SYT9: variants seen among roughly 807,000 people sequenced by gnomAD.
SYT9 encodes synaptotagmin-9.
Under a neutral mutation model 48.4 loss-of-function variants are expected in SYT9, and 22 were observed. The observed-to-expected ratio is 0.45, with a 90% confidence interval of 0.32 to 0.65. The LOEUF (loss-of-function observed/expected upper bound fraction) is 0.65, where lower values mean the gene tolerates loss of function less well. Ranked by LOEUF, SYT9 falls within the 30% of genes least tolerant of loss-of-function variation. SYT9 has a pLI of 0.03. For synonymous variants in SYT9, 265 were observed against 245.0 expected, an observed-to-expected ratio of 1.08 and a Z score of -0.76; for missense variants, 577 against 622.0, an observed-to-expected ratio of 0.93 and a Z score of 0.77.
chr11:7,275,546 T>C (rs996692273), intron 1 of SYT9, among the ~76,000 whole-genome samples: 2 of 152,218 alleles, frequency 1.3e-5, no homozygotes, highest in Admixed American at 1.3e-4. Flanking sequence ...TTTATATTAC[T>C]GTGACCCATT....
chr11:7,289,156 T>G (rs1483074676), intron 1 of SYT9, among the ~76,000 whole-genome samples: 1 of 152,210 alleles, frequency 6.6e-6, no homozygotes, highest in East Asian at 1.9e-4. Context: ...GACTCCCCTC[T>G]TTCCTCAGTA....
chr11:7,246,081 G>C (rs948694513), intron 1 of SYT9, among the ~76,000 whole-genome samples: 1 of 150,890 alleles, frequency 6.6e-6, no homozygotes, highest in African/African-American at 2.4e-5. Flanking sequence ...TCTTCTCTTT[G>C]TCCTTCTCTC....
intron 2 of SYT9, among the ~76,000 whole-genome samples, chr11:7,306,850 C>T (rs1014671697): frequency 2.6e-5 from 4 of 152,194 alleles, no homozygotes; most frequent in African/African-American, 9.7e-5. Context: ...CCCCTCTAGA[C>T]TGAGTTCTGT....
intron 1 of SYT9, among the ~76,000 whole-genome samples, chr11:7,276,161 T>C (rs1038496907): frequency 6.6e-6 from 1 of 152,194 alleles, no homozygotes; most frequent in Non-Finnish European, 1.5e-5. Context: ...TTTGGAGTTA[T>C]ACTAGAAACT....
intron 2 of SYT9, among the ~76,000 whole-genome samples, chr11:7,311,790 C>T (rs919821240): frequency 6.6e-6 from 1 of 152,220 alleles, no homozygotes; most frequent in Non-Finnish European, 1.5e-5. Flanking sequence ...GCCTCCCAGT[C>T]CTTTCTGCCC....
intron 3 of SYT9, among the ~76,000 whole-genome samples, chr11:7,385,565 G>A (rs565707869): frequency 1.3e-5 from 2 of 151,846 alleles, no homozygotes; most frequent in South Asian, 2.1e-4. Flanking sequence ...CTATTACCTG[G>A]GTGACAAGAT....
chr11:7,392,402 CAGTT>C lies in SYT9; in HGVS notation c.1045-23639_1045-23636del, dbSNP rs1354878035. Reference sequence around the variant, plus strand: ...GCTTATTTTTGTCAGTATTGTAGATCAGTTGGTTGTAGCTGTGTGGCTTTATTTA... The same window carrying C: ...GCTTATTTTTGTCAGTATTGTAGATCGGTTGTAGCTGTGTGGCTTTATTTA... On this transcript the variant is annotated intron_variant, in intron 3 of 6. Coordinates refer to ENST00000318881, the MANE Select transcript of SYT9 (RefSeq NM_175733.4). Among the ~76,000 whole-genome samples, 5 of 152,078 alleles carry C rather than the reference CAGTT, an allele frequency of 3.3e-5. No homozygotes were observed. In the East Asian group the frequency reaches 9.6e-4, roughly 29 times the overall value.
At chr11:7,452,383 GCTT>G (rs1268754139) in intron 6 of SYT9, among the ~76,000 whole-genome samples, 1 of 152,162 alleles carries the variant, frequency 6.6e-6, no homozygotes, top group Admixed American at 6.5e-5. Flanking sequence ...TCTGTCCACT[GCTT>G]CTTTCCCACA....
chr11:7,241,603 G>A (rs531733019), intron 1 of SYT9, among the ~76,000 whole-genome samples: 191 of 152,282 alleles, frequency 1.3e-3, no homozygotes, highest in Non-Finnish European at 2.4e-3. Context: ...TGGAATTGCC[G>A]ATTGATTAAT....
At chr11:7,249,514 C>T (rs1458251772), upstream of SYT9, among the ~76,000 whole-genome samples, 2 of 152,208 alleles carry the variant, frequency 1.3e-5, no homozygotes, top group African/African-American at 2.4e-5. Flanking sequence ...ATTGTTTAAC[C>T]ACCTGATTTT....
chr11:7,253,589 T>C (rs1320955651), intron 1 of SYT9, among the ~76,000 whole-genome samples: 2 of 151,976 alleles, frequency 1.3e-5, no homozygotes, highest in East Asian at 1.9e-4. Flanking sequence ...TTTTTTTTCC[T>C]ATTGAAAAAG....
intron 6 of SYT9, among the ~76,000 whole-genome samples, chr11:7,464,875 G>A (rs1157817481): frequency 6.6e-6 from 1 of 151,740 alleles, no homozygotes; most frequent in Non-Finnish European, 1.5e-5. Flanking sequence ...GAGGTCAGGA[G>A]ATCAAGACCA....
At position 7,417,958 on chromosome 11, in the gene SYT9, T is replaced by C; in HGVS notation, c.1167T>C (p.Asp389=). ...TCCTGCTTCTCATGGTCTGTCCAGA[T>C]CCCTATGTGAAAGTCTCGCTGATGT... is the stretch of plus-strand genomic sequence containing the variant. ...LKAMDITGAS[D]PYVKVSLMCD... is the part of the protein sequence containing the mutation. The change falls in exon 5 of 7, where the codon GAT becomes GAC. Residue 389 remains aspartate (D), a splice_region_variant and synonymous_variant. Coordinates refer to ENST00000318881, the MANE Select transcript of SYT9 (RefSeq NM_175733.4). 1 of 1,613,478 alleles carries C rather than the reference T, an allele frequency of 6.2e-7. No homozygotes were observed. The highest frequency in any genetic ancestry group is 8.5e-7 in the Non-Finnish European group (1 of 1,179,628).
At chr11:7,357,458 G>A (rs111745665) in intron 3 of SYT9, among the ~76,000 whole-genome samples, 4 of 152,170 alleles carry the variant, frequency 2.6e-5, no homozygotes, top group East Asian at 3.9e-4. Flanking sequence ...ATTACTAAAT[G>A]TCTCCTCAAA....
intron 1 of SYT9, among the ~76,000 whole-genome samples, chr11:7,293,127 G>A (rs551765769): frequency 1.3e-5 from 2 of 152,226 alleles, no homozygotes; most frequent in East Asian, 3.9e-4. Context: ...GCAAATAGAA[G>A]GTATAACAGA....
intron 6 of SYT9, among the ~76,000 whole-genome samples, chr11:7,421,214 C>T (rs559154225): frequency 2.6e-5 from 4 of 152,290 alleles, no homozygotes; most frequent in African/African-American, 4.8e-5. Flanking sequence ...CAACAAGAGA[C>T]CTAGACTTCT....
At chr11:7,288,693 T>G (rs376966828) in intron 1 of SYT9, among the ~76,000 whole-genome samples, 1 of 151,364 alleles carries the variant, frequency 6.6e-6, no homozygotes, top group South Asian at 2.1e-4. Context: ...TTTATACTTG[T>G]TCTTACTATT....
At chr11:7,449,496 G>C (rs1257740252) in intron 6 of SYT9, among the ~76,000 whole-genome samples, 1 of 152,156 alleles carries the variant, frequency 6.6e-6, no homozygotes, top group African/African-American at 2.4e-5. Context: ...TGAGAAAGTG[G>C]ATAGAAAGTT....
chr11:7,346,127 C>G (rs1554909736), intron 3 of SYT9, among the ~76,000 whole-genome samples: 4 of 152,102 alleles, frequency 2.6e-5, no homozygotes, highest in Non-Finnish European at 5.9e-5. Context: ...CAGTAAGGAC[C>G]AAAGCCAGAA....
Sources: allele counts gnomAD v4.1 joint callset (sites outside exome capture counted in the v4.1 genomes callset), GRCh38; gene constraint gnomAD v4.1.1; transcripts MANE v1.5; gene names NCBI Gene and HGNC (gene_info 2026-07-23, HGNC 2026-07-21).